The following SETSIP variants were observed in gnomAD, a reference collection of about 807,000 sequenced individuals.
SETSIP encodes SET like protein.
SETSIP carries 15 observed loss-of-function variants against 21.9 expected under a neutral mutation model. The observed-to-expected ratio is 0.69, with a 90% CI of 0.46 to 1.06. The LOEUF is 1.06. Among genes scored for constraint, SETSIP ranks in the 50% least tolerant of loss-of-function variants. The pLI is 0.00. For missense variants in SETSIP, 310 were observed against 337.4 expected (o/e 0.92, Z 0.64); for synonymous variants, 101 against 121.2 (o/e 0.83, Z 1.09).
In SETSIP at chr1:92,074,839, G is replaced by A; in HGVS notation, c.573C>T (p.Ser191=). ...CTGGTTCCTCATGCTGCCTCTTCCT[G>A]CTGGCTTTATTCTGCGTTTGACTTG... Residue 191 remains serine, a synonymous_variant, in exon 1 of 1, where the codon AGC becomes AGT. Transcript: ENST00000596516. 2.5e-6 allele frequency: 4 copies of A among 1,611,404 alleles called. 1 individual carries two copies. The South Asian group carries it at 4.4e-5, about 18-fold the overall frequency.
chr1:92,074,699 A>G (rs1570704932), exon 1 of SETSIP: 5 of 1,598,318 alleles, frequency 3.1e-6, no homozygotes, highest in South Asian at 1.1e-5. Flanking sequence ...TTCATCATCC[A>G]TATCAGGAAC....
At chr1:92,074,790 C>T in exon 1 of SETSIP, 1 of 1,605,250 alleles carries the variant, frequency 6.2e-7, no homozygotes, top group Non-Finnish European at 8.5e-7. Context: ...TCAGAATGAT[C>T]AGTAAACCAG....
chr1:92,075,082 C>A, exon 1 of SETSIP: 19 of 1,611,838 alleles, frequency 1.2e-5, no homozygotes, highest in Non-Finnish European at 1.5e-5. Flanking sequence ...CGTCCTCCTC[C>A]CCAAGCAGTG....
chr1:92,074,566 C>G, exon 1 of SETSIP: 2 of 1,572,502 alleles, frequency 1.3e-6, no homozygotes, highest in Non-Finnish European at 8.6e-7. Context: ...CCTCTCCTTC[C>G]TCCCCTTCAT....
chr1:92,074,886 C>T, exon 1 of SETSIP: 1 of 1,611,766 alleles, frequency 6.2e-7, no homozygotes, highest in Non-Finnish European at 8.5e-7. Flanking sequence ...ACATCCTTTC[C>T]AGATTTCCAT....
At chr1:92,075,128 C>A in exon 1 of SETSIP, 1 of 1,611,792 alleles carries the variant, frequency 6.2e-7, no homozygotes, top group Non-Finnish European at 8.5e-7. Context: ...TGTTGTTACC[C>A]CAAAATTTGG....
exon 1 of SETSIP, chr1:92,075,139 G>A: frequency 1.2e-6 from 2 of 1,611,842 alleles, no homozygotes; most frequent in Non-Finnish European, 1.7e-6. Flanking sequence ...CAAAATTTGG[G>A]ATTTTGGCGA....
exon 1 of SETSIP, chr1:92,074,632 T>A (rs1206525027): frequency 6.4e-7 from 1 of 1,572,710 alleles, no homozygotes; most frequent in African/African-American, 1.4e-5. Context: ...TATCTTCTAA[T>A]TCTTCCTCCC....
chr1:92,075,342 G>A, exon 1 of SETSIP: 1 of 1,611,392 alleles, frequency 6.2e-7, no homozygotes, highest in Non-Finnish European at 8.5e-7. Context: ...GTCTCCTCCA[G>A]TCCCAGAGCA....
chr1:92,075,225 T>C, exon 1 of SETSIP: 1 of 1,611,948 alleles, frequency 6.2e-7, no homozygotes, highest in Non-Finnish European at 8.5e-7. Context: ...ATCTCCTCAC[T>C]GTCTTGTTCA....
At position 92,075,269 on chromosome 1, in the gene SETSIP, A is replaced by G. The variant is rs1312206239; in HGVS notation, c.143T>C (p.Ile48Thr). Residue 48 changes from isoleucine (I) to threonine (T), a missense_variant, in exon 1 of 1, where the codon ATT (isoleucine) becomes ACT (threonine). Transcript: ENST00000596516. ...GTCTATTTCATTTTGTACTTCATCA[A>G]TGTGTTCAATTGCTTCTTGCTGTTC... 11 of 1,611,804 alleles carry G rather than the reference A, an allele frequency of 6.8e-6. No homozygotes were observed. The East Asian group carries it at 2.2e-4, about 33-fold the overall frequency.
chr1:92,074,868 G>A (rs1473617527), exon 1 of SETSIP: 21 of 1,611,530 alleles, frequency 1.3e-5, no homozygotes, highest in East Asian at 2.2e-5. Flanking sequence ...TGACTTGAAC[G>A]TTTCGTCACA....
At chr1:92,075,218 T>C in exon 1 of SETSIP, 2 of 1,611,968 alleles carry the variant, frequency 1.2e-6, no homozygotes. Flanking sequence ...TTTCAAAATC[T>C]CCTCACTGTC....
chr1:92,074,722 T>C, exon 1 of SETSIP: 2 of 1,606,170 alleles, frequency 1.2e-6, no homozygotes, highest in East Asian at 2.2e-5. Flanking sequence ...AGTAATACTG[T>C]AATGGGTTTG....
chr1:92,074,649 C>T (rs1200303382), exon 1 of SETSIP: 4 of 1,580,824 alleles, frequency 2.5e-6, no homozygotes, highest in Non-Finnish European at 2.6e-6. Flanking sequence ...TCCCCTTCAT[C>T]ACCATCATCA....
chr1:92,074,822 T>C, exon 1 of SETSIP: 2 of 1,611,574 alleles, frequency 1.2e-6, no homozygotes. Context: ...CTCTGGTTCC[T>C]CATGCTGCCT....
At chr1:92,074,617 A>ATCAATATCTTCTAATTCTTCC in exon 1 of SETSIP, 1 of 1,567,360 alleles carries the variant, frequency 6.4e-7, no homozygotes. Context: ...CATCCCCTTC[A>ATCAATATCTTCTAATTCTTCC]TCAATATCTT....
At chr1:92,074,913 T>C in exon 1 of SETSIP, 4 of 1,611,836 alleles carry the variant, frequency 2.5e-6, no homozygotes, top group Non-Finnish European at 3.4e-6. Flanking sequence ...TTGGTGGACT[T>C]TGAAGATGGA....
In SETSIP at chr1:92,075,095, G is replaced by A. The variant is rs565295847; in HGVS notation, c.317C>T (p.Ser106Phe). The A allele has an allele frequency of 4.3e-5, 69 of 1,611,892 alleles. No homozygotes were observed. The African/African-American group carries it at 8.9e-4, about 21-fold the overall frequency. ...TTCGTCCTCCTCCCCAAGCAGTGAA[G>A]ACACTTGTGGATGGTTGACAAATGT... Residue 106 changes from serine to phenylalanine, a missense_variant, in exon 1 of 1, where the codon TCT becomes TTT. By Grantham distance (155) the Ser-to-Phe change is radical (BLOSUM62 -2). Coordinates refer to ENST00000596516, the Ensembl canonical transcript of SETSIP.
Sources: allele counts gnomAD v4.1 joint callset, GRCh38; gene constraint gnomAD v4.1.1; transcripts MANE v1.5; gene names NCBI Gene and HGNC (gene_info 2026-07-23, HGNC 2026-07-21).